The following DYSF variants were observed in gnomAD, a reference collection of about 807,000 sequenced individuals.
DYSF encodes the protein dystrophy-associated fer-1-like 1.
Under a neutral mutation model 274.9 loss-of-function variants are expected in DYSF, and 212 were observed. The ratio of observed to expected loss-of-function variants is 0.77; its 90% CI spans 0.69 to 0.86. DYSF has a LOEUF of 0.86. DYSF is among the 40% of genes least tolerant of loss of function. DYSF has a pLI of 0.00. For missense variants in DYSF, 2,666 were observed against 2,783.2 expected (o/e 0.96, Z 0.95); for synonymous variants, 1,091 against 1,078.7 (o/e 1.01, Z -0.22).
chr2:71,618,426 AGAGGTGGGGTG>A (rs1257428576), intron 40 of DYSF, among the ~76,000 whole-genome samples: 8 of 94,790 alleles, frequency 8.4e-5, no homozygotes, highest in South Asian at 3.6e-4. Context: ...TGTGTGTGGT[AGAGGTGGGGTG>A]TGTGTGGTAG....
Position 71,530,792 on chromosome 2 carries a change from C to G in DYSF, c.1380+2391C>G, listed in dbSNP as rs111466515. Among the ~76,000 whole-genome samples, 1,316 of 152,254 alleles carry G rather than the reference C, an allele frequency of 8.6e-3. 7 individuals are homozygous for G. Among genetic ancestry groups the G allele is most frequent in the Non-Finnish European group, 0.013 (882 of 68,020 alleles). ...TTATGGCGTGTCTCATTCTGCCTGT[C>G]CCTCTCTTTTAGCCTGCTTGCATGT... On this transcript the variant is annotated intron_variant, in intron 14 of 55. Transcript: ENST00000410020.
At chr2:71,483,396 C>T (rs1027205628) in intron 3 of DYSF, among the ~76,000 whole-genome samples, 1 of 152,196 alleles carries the variant, frequency 6.6e-6, no homozygotes. Flanking sequence ...AGTGGGCAGT[C>T]CTCGAAGGCT....
intron 24 of DYSF, among the ~76,000 whole-genome samples, chr2:71,565,948 A>G (rs1192923454): frequency 6.6e-6 from 1 of 152,214 alleles, no homozygotes; most frequent in Non-Finnish European, 1.5e-5. Context: ...AGGCCAACTC[A>G]AGGCCAGGGA....
Position 71,612,801 on chromosome 2 carries a change from G to T in DYSF, c.4382G>T (p.Gly1461Val), listed in dbSNP as rs776321883. 2.5e-6 allele frequency: 4 copies of T among 1,611,698 alleles called. No homozygotes were observed. In the African/African-American group the frequency reaches 5.3e-5, roughly 22 times the overall value. The change falls in exon 39 of 56, where the codon GGC becomes GTC. Residue 1461 changes from glycine (G) to valine (V), a missense_variant. Coordinates refer to ENST00000410020, the MANE Select transcript of DYSF (RefSeq NM_001130987.2). ...YSAESPSPQG[G>V]PDDVSLLSPG... is the part of the protein sequence containing the mutation. ...GCGGAGAGTCCATCCCCACAGGGTG[G>T]CCCAGGTAGGGGAAGGGGAGATGAT...
At chr2:71,552,799 G>A (rs1441236108) in intron 19 of DYSF, among the ~76,000 whole-genome samples, 6 of 152,224 alleles carry the variant, frequency 3.9e-5, no homozygotes, top group Admixed American at 3.9e-4. Context: ...AGGGAAACGT[G>A]GCCAGACACA....
intron 1 of DYSF, among the ~76,000 whole-genome samples, chr2:71,478,260 G>A (rs2082558174): frequency 6.7e-6 from 1 of 148,624 alleles, no homozygotes; most frequent in South Asian, 2.1e-4. Flanking sequence ...CGCCCAGGCT[G>A]GAGTGCAGTG....
At chr2:71,607,889 T>C (rs74736234) in intron 36 of DYSF, among the ~76,000 whole-genome samples, 3,503 of 152,126 alleles carry the variant, frequency 0.023, 68 homozygotes, top group East Asian at 0.051. Flanking sequence ...AGTAAGATAT[T>C]GGGGCTTAGC....
chr2:71,603,970 C>T (rs912058017), intron 36 of DYSF, among the ~76,000 whole-genome samples: 6 of 152,216 alleles, frequency 3.9e-5, no homozygotes, highest in East Asian at 1.9e-4. Flanking sequence ...AACTGCAGCT[C>T]ATGGGCCAGA....
At chr2:71,592,756 G>A (rs1334964269) in intron 32 of DYSF, among the ~76,000 whole-genome samples, 2 of 152,178 alleles carry the variant, frequency 1.3e-5, no homozygotes, top group African/African-American at 2.4e-5. Flanking sequence ...GCCTTTCCCC[G>A]GGGGCTCCTA....
chr2:71,583,397 C>A (rs1056327692), intron 30 of DYSF, among the ~76,000 whole-genome samples: 15 of 152,182 alleles, frequency 9.9e-5, no homozygotes, highest in African/African-American at 3.6e-4. Flanking sequence ...GGGTAGCCAG[C>A]CTCCAGCTGG....
intron 23 of DYSF, 50 bp from the exon 24 acceptor site, chr2:71,564,008 G>A (rs769132721): frequency 6.6e-5 from 107 of 1,611,702 alleles, no homozygotes; most frequent in South Asian, 2.2e-4. Context: ...GCTGTGGGGC[G>A]TGGGCCTGGT....
rs562825081 is a variant in DYSF at position 71,604,689 on chromosome 2, G to A, written c.3957+1884G>A. ...CAAGTGACTCTGAAGGATGGTTTAA[G>A]GATATCCTCTCTTGTGGGAAGTGCC... On this transcript the variant is annotated intron_variant, in intron 36 of 55. Transcript: ENST00000410020. Among the ~76,000 whole-genome samples the A allele has an allele frequency of 5.9e-5, 9 of 152,330 alleles. No individual in the cohort carries two copies. The South Asian group carries it at 1.7e-3, about 28-fold the overall frequency.
intron 36 of DYSF, among the ~76,000 whole-genome samples, chr2:71,605,413 C>T (rs544390790): frequency 1.8e-4 from 28 of 152,268 alleles, no homozygotes; most frequent in South Asian, 6.2e-4. Context: ...CACACATGCA[C>T]GCACACACAG....
intron 17 of DYSF, among the ~76,000 whole-genome samples, chr2:71,545,134 C>T (rs1010379297): frequency 1.1e-4 from 16 of 152,094 alleles, no homozygotes; most frequent in Non-Finnish European, 1.6e-4. Flanking sequence ...GGGAAGCCAC[C>T]GGCACGTGAG....
rs146064054 is a variant in DYSF at position 71,535,089 on chromosome 2, G to A, written c.1449G>A (p.Met483Ile). 48 of 1,614,124 alleles carry A rather than the reference G, an allele frequency of 3.0e-5. 1 individual carries two copies. In the African/African-American group the frequency reaches 5.6e-4, roughly 19 times the overall value. Residue 483 changes from methionine (M) to isoleucine (I), a missense_variant and splice_region_variant, in exon 15 of 56, where the codon ATG becomes ATA. Coordinates refer to ENST00000410020, the MANE Select transcript of DYSF (RefSeq NM_001130987.2). ...ACCAGAACATCACACTGCCTGCCAT[G>A]GTGAGCCTCCTGCCCCCAGCAAACC... ...QWNQNITLPA[M>I]FPSMCEKMRI...
chr2:71,574,166 C>A, intron 29 of DYSF, 32 bp from the exon 30 acceptor site: 1 of 1,609,768 alleles, frequency 6.2e-7, no homozygotes, highest in Non-Finnish European at 8.5e-7. Flanking sequence ...GCCTTCCCAC[C>A]GGCCTCTGAG....
chr2:71,607,242 G>T (rs754114217), intron 36 of DYSF, among the ~76,000 whole-genome samples: 25 of 152,172 alleles, frequency 1.6e-4, no homozygotes, highest in Non-Finnish European at 2.8e-4. Context: ...TTCAGACAGA[G>T]GGACCACTGA....
At chr2:71,614,185 G>A (rs2093832192) in intron 40 of DYSF, among the ~76,000 whole-genome samples, 1 of 152,158 alleles carries the variant, frequency 6.6e-6, no homozygotes. Flanking sequence ...ATGGAGAAAG[G>A]TCTCACTGTG....
chr2:71,645,066 C>T (rs940641523), intron 42 of DYSF, among the ~76,000 whole-genome samples: 1 of 152,132 alleles, frequency 6.6e-6, no homozygotes, highest in Non-Finnish European at 1.5e-5. Context: ...TGAATGTTTA[C>T]AGCTGAAGCC....
Sources: gnomAD v4.1 joint callset for allele counts (sites outside exome capture counted in the v4.1 genomes callset) on GRCh38, gnomAD v4.1.1 for gene constraint, MANE v1.5 for transcripts, NCBI Gene and HGNC (gene_info 2026-07-23, HGNC 2026-07-21) for gene names.